The following SPHKAP variants were observed in gnomAD, a reference collection of about 807,000 sequenced individuals.
SPHKAP encodes the protein A-kinase anchor protein SPHKAP.
A neutral mutation model predicts 137.5 loss-of-function variants in SPHKAP; 67 were observed. That is an observed-to-expected ratio of 0.49 (90% CI 0.40 to 0.60). The LOEUF (loss-of-function observed/expected upper bound fraction) is 0.60. Among genes scored for constraint, SPHKAP ranks in the 20% least tolerant of loss-of-function variants. SPHKAP has a pLI of 0.00. For missense variants in SPHKAP, 2,097 were observed against 2,069.3 expected, an observed-to-expected ratio of 1.01 and a Z score of -0.26; for synonymous variants, 813 against 785.3, an observed-to-expected ratio of 1.04 and a Z score of -0.59.
chr2:228,008,317 G>A (rs995039108), intron 7 of SPHKAP, among the ~76,000 whole-genome samples: 4 of 143,562 alleles, frequency 2.8e-5, no homozygotes, highest in East Asian at 2.0e-4. Context: ...TTTTTCCTGC[G>A]AGAGAGTCTT....
At position 228,021,577 on chromosome 2, in the gene SPHKAP, C is replaced by A. The variant is rs967526461; in HGVS notation, c.697+134G>T. 11 of 1,085,202 alleles carry A rather than the reference C, an allele frequency of 1.0e-5. No homozygotes were observed. In the South Asian group the frequency reaches 1.7e-4, roughly 17 times the overall value. 67.2% of individuals were successfully genotyped at this position (1,085,202 alleles called of 1,614,324 possible). Reference sequence around the variant, plus strand: ...AGTGTTCTCATATCCTCCTTCCTTCCTTCCTTAAAATTCAGCAAGTAAAGA... The same window carrying A: ...AGTGTTCTCATATCCTCCTTCCTTCATTCCTTAAAATTCAGCAAGTAAAGA... On this transcript the variant is annotated intron_variant, in intron 6 of 11. Transcript: ENST00000392056.
At chr2:228,167,125 CAGG>C (rs1700444662) in intron 1 of SPHKAP, among the ~76,000 whole-genome samples, 1 of 152,144 alleles carries the variant, frequency 6.6e-6, no homozygotes, top group South Asian at 2.1e-4. Flanking sequence ...TAAATTTCAG[CAGG>C]AGGTTTGGGT....
chr2:227,995,243 C>T (rs553011389), intron 8 of SPHKAP, among the ~76,000 whole-genome samples: 2 of 152,312 alleles, frequency 1.3e-5, no homozygotes, highest in South Asian at 4.1e-4. Context: ...CAGTTGTCAT[C>T]ATTGAATGTT....
chr2:227,982,632 T>C (rs1693043330), intron 11 of SPHKAP, among the ~76,000 whole-genome samples: 1 of 152,186 alleles, frequency 6.6e-6, no homozygotes, highest in Non-Finnish European at 1.5e-5. Flanking sequence ...AAAGATGTAA[T>C]GAAAGCCAGG....
intron 1 of SPHKAP, among the ~76,000 whole-genome samples, chr2:228,155,259 T>C (rs1338537555): frequency 2.0e-5 from 3 of 151,862 alleles, no homozygotes; most frequent in South Asian, 2.1e-4. Context: ...GTTCGTGGAG[T>C]AAGAATTATT....
intron 3 of SPHKAP, among the ~76,000 whole-genome samples, chr2:228,056,768 CT>C (rs1696462720): frequency 6.6e-6 from 1 of 152,092 alleles, no homozygotes; most frequent in Non-Finnish European, 1.5e-5. Flanking sequence ...GATAGAATTA[CT>C]TTTATACTCT....
At chr2:228,137,864 C>T (rs1215436961) in intron 1 of SPHKAP, among the ~76,000 whole-genome samples, 2 of 152,160 alleles carry the variant, frequency 1.3e-5, no homozygotes, top group Non-Finnish European at 2.9e-5. Context: ...TCTTAAATTA[C>T]CCAAAGTAAT....
intron 1 of SPHKAP, among the ~76,000 whole-genome samples, chr2:228,178,465 T>C (rs556749636): frequency 1.2e-4 from 18 of 152,238 alleles, no homozygotes; most frequent in Admixed American, 3.9e-4. Flanking sequence ...GAGACTGACT[T>C]TTTTTCTGTA....
chr2:228,088,384 A>G (rs993091403), intron 3 of SPHKAP, among the ~76,000 whole-genome samples: 5 of 152,182 alleles, frequency 3.3e-5, no homozygotes, highest in African/African-American at 1.2e-4. Flanking sequence ...GTTAAATTGT[A>G]AATGGTAAGT....
chr2:228,113,086 G>T (rs1698569476), intron 2 of SPHKAP, among the ~76,000 whole-genome samples: 1 of 152,196 alleles, frequency 6.6e-6, no homozygotes, highest in East Asian at 1.9e-4. Context: ...TCTTTGTTTG[G>T]TGAGAATATT....
At chr2:228,105,146 G>T (rs1461398688) in intron 3 of SPHKAP, among the ~76,000 whole-genome samples, 1 of 152,020 alleles carries the variant, frequency 6.6e-6, no homozygotes, top group Non-Finnish European at 1.5e-5. Context: ...GTTTTAAATT[G>T]TATGTAGAGA....
chr2:228,071,793 T>A (rs1186885519), intron 3 of SPHKAP, among the ~76,000 whole-genome samples: 1 of 152,204 alleles, frequency 6.6e-6, no homozygotes, highest in East Asian at 1.9e-4. Context: ...TTCAACCTTT[T>A]TTTTTTGTAA....
intron 5 of SPHKAP, among the ~76,000 whole-genome samples, chr2:228,024,183 C>CCTAA (rs1311801407): frequency 6.6e-6 from 1 of 152,066 alleles, no homozygotes; most frequent in African/African-American, 2.4e-5. Context: ...AATTAAGAAT[C>CCTAA]CTAACTGGGA....
At chr2:228,043,153 C>T (rs990700734) in intron 3 of SPHKAP, among the ~76,000 whole-genome samples, 4 of 152,028 alleles carry the variant, frequency 2.6e-5, no homozygotes, top group African/African-American at 4.8e-5. Context: ...GACAACAGAT[C>T]CTTTATTATT....
intron 1 of SPHKAP, among the ~76,000 whole-genome samples, chr2:228,164,444 G>T (rs953129989): frequency 1.3e-5 from 2 of 152,274 alleles, no homozygotes; most frequent in Middle Eastern, 3.4e-3. Context: ...CCTCTGGAAA[G>T]CCCTGACTAA....
Position 227,981,555 on chromosome 2 carries a change from C to G in SPHKAP, c.*162G>C. 3 of 893,404 alleles carry G rather than the reference C, an allele frequency of 3.4e-6. No homozygotes were observed. Among genetic ancestry groups the G allele is most frequent in the Non-Finnish European group, 4.7e-6 (3 of 635,452 alleles). The allele number at this position is 893,404 out of a possible 1,614,324, so 55.3% of individuals were successfully genotyped here. A position where few individuals can be genotyped will look rare whatever the true frequency, so the allele number is the denominator to read the frequency against. On this transcript the variant is annotated 3_prime_UTR_variant, in exon 12 of 12. Transcript: ENST00000392056. ...TGGACAGACCTATATTTTGCTTTTCCTCTGACTTATTCTGTATGCAGTGGA... is the reference window on the plus strand; with the variant it reads ...TGGACAGACCTATATTTTGCTTTTCGTCTGACTTATTCTGTATGCAGTGGA...
intron 1 of SPHKAP, among the ~76,000 whole-genome samples, chr2:228,154,954 C>G (rs1382493990): frequency 6.6e-6 from 1 of 151,978 alleles, no homozygotes; most frequent in Non-Finnish European, 1.5e-5. Context: ...TAGCAACATT[C>G]CTCCTTTTTG....
intron 2 of SPHKAP, among the ~76,000 whole-genome samples, chr2:228,128,811 T>C (rs1224220854): frequency 1.3e-5 from 2 of 152,202 alleles, no homozygotes; most frequent in South Asian, 4.1e-4. Context: ...AGCAGTAATA[T>C]ATTTTGATAG....
intron 11 of SPHKAP, among the ~76,000 whole-genome samples, chr2:227,982,537 A>G (rs1693039364): frequency 6.6e-6 from 1 of 152,216 alleles, no homozygotes. Flanking sequence ...GGAAAAATGG[A>G]GAAATAATTA....
Sources: gnomAD v4.1 joint callset for allele counts (sites outside exome capture counted in the v4.1 genomes callset) on GRCh38, gnomAD v4.1.1 for gene constraint, MANE v1.5 for transcripts, NCBI Gene and HGNC (gene_info 2026-07-23, HGNC 2026-07-21) for gene names.